The following CNTN6 variants were observed in gnomAD, a reference collection of about 807,000 sequenced individuals.
CNTN6 encodes contactin 6.
Under a neutral mutation model 122.8 loss-of-function variants are expected in CNTN6, and 137 were observed. That is an observed-to-expected ratio of 1.12 (90% CI 0.97 to 1.29). The LOEUF (loss-of-function observed/expected upper bound fraction) is 1.29, where lower values mean the gene tolerates loss of function less well. Ranked by LOEUF, CNTN6 falls within the 50% of genes most tolerant of loss-of-function variation. The pLI is 0.00. For missense variants in CNTN6, 1,634 were observed against 1,223.4 expected (o/e 1.34, Z -5.01); for synonymous variants, 570 against 426.0 (o/e 1.34, Z -4.16).
intron 12 of CNTN6, among the ~76,000 whole-genome samples, chr3:1,371,668 TAG>T (rs1709036006): frequency 1.3e-5 from 2 of 152,142 alleles, no homozygotes; most frequent in African/African-American, 4.8e-5. Context: ...AAGATTGACA[TAG>T]AGAACATTTC....
At chr3:1,396,324 C>T (rs1330887215) in intron 20 of CNTN6, among the ~76,000 whole-genome samples, 1 of 152,146 alleles carries the variant, frequency 6.6e-6, no homozygotes, top group Non-Finnish European at 1.5e-5. Flanking sequence ...TGCTCTATAG[C>T]TTCCCCCAAA....
At chr3:1,151,806 T>G (rs2092848921) in intron 2 of CNTN6, among the ~76,000 whole-genome samples, 1 of 152,098 alleles carries the variant, frequency 6.6e-6, no homozygotes, top group South Asian at 2.1e-4. Flanking sequence ...GAGGTTGAGT[T>G]AGTAACAGAA....
intron 1 of CNTN6, among the ~76,000 whole-genome samples, chr3:1,114,069 A>T (rs923339998): frequency 6.6e-5 from 10 of 152,186 alleles, no homozygotes; most frequent in Non-Finnish European, 1.2e-4. Flanking sequence ...CCAGCTCGGC[A>T]ATCAGGGAAG....
intron 7 of CNTN6, among the ~76,000 whole-genome samples, chr3:1,319,796 C>T (rs963511611): frequency 2.2e-5 from 3 of 138,294 alleles, no homozygotes; most frequent in Non-Finnish European, 3.1e-5. Context: ...ATGCTCATTG[C>T]AGGAAAATAA....
chr3:1,098,074 C>G (rs1033014130), intron 1 of CNTN6, among the ~76,000 whole-genome samples: 7 of 134,964 alleles, frequency 5.2e-5, no homozygotes, highest in African/African-American at 1.8e-4. Context: ...TGGACATGAT[C>G]AAGAAAAAGG....
chr3:1,255,013 G>T (rs114479297), intron 4 of CNTN6, among the ~76,000 whole-genome samples: 2 of 152,214 alleles, frequency 1.3e-5, no homozygotes, highest in African/African-American at 4.8e-5. Context: ...TGTTGGCCCA[G>T]GCTGGGGCAA....
intron 4 of CNTN6, among the ~76,000 whole-genome samples, chr3:1,249,154 G>C (rs2094623246): frequency 6.6e-6 from 1 of 152,084 alleles, no homozygotes; most frequent in African/African-American, 2.4e-5. Context: ...CAATCAAATA[G>C]CATTACCATA....
chr3:1,219,246 G>T (rs2094171938), intron 2 of CNTN6, among the ~76,000 whole-genome samples: 1 of 152,192 alleles, frequency 6.6e-6, no homozygotes, highest in African/African-American at 2.4e-5. Context: ...TTAGTCAAAT[G>T]ATTATTTAAC....
intron 1 of CNTN6, among the ~76,000 whole-genome samples, chr3:1,104,090 C>T (rs535676745): frequency 6.6e-6 from 1 of 152,168 alleles, no homozygotes; most frequent in South Asian, 2.1e-4. Flanking sequence ...ATGAACAAGA[C>T]AGAGAAGAGT....
At chr3:1,246,167 C>T (rs1242114973) in intron 4 of CNTN6, among the ~76,000 whole-genome samples, 2 of 152,092 alleles carry the variant, frequency 1.3e-5, no homozygotes, top group Non-Finnish European at 2.9e-5. Context: ...TCCAACACCC[C>T]CAGAAGGTCC....
In CNTN6 at chr3:1,313,155, C is replaced by CA. The variant is rs199499316; in HGVS notation, c.762-8494dup. On this transcript the variant is annotated intron_variant, in intron 7 of 22. Transcript: ENST00000446702. ...AAATTATCATTTTCTCTCCTAAGAG[C>CA]AGCAGAGGTATTTATCGAGGCTTAG... Among the ~76,000 whole-genome samples the CA allele has an allele frequency of 7.6e-3, 1,162 of 152,142 alleles. 9 individuals carry two copies. Among genetic ancestry groups the CA allele is most frequent in the Middle Eastern group, 0.041 (12 of 294 alleles).
intron 2 of CNTN6, among the ~76,000 whole-genome samples, chr3:1,209,303 C>T (rs1395009292): frequency 1.3e-5 from 2 of 152,132 alleles, no homozygotes; most frequent in Non-Finnish European, 2.9e-5. Context: ...CAGAATGATT[C>T]CATTATGTGA....
chr3:1,311,419 ATATG>A (rs1699267340), intron 7 of CNTN6, among the ~76,000 whole-genome samples: 1 of 62,950 alleles, frequency 1.6e-5, no homozygotes, highest in Non-Finnish European at 2.9e-5. Context: ...AAATGTCTTT[ATATG>A]TACATATATG....
At chr3:1,318,843 G>C (rs1351273) in intron 7 of CNTN6, among the ~76,000 whole-genome samples, 52,166 of 151,396 alleles carry the variant, frequency 0.34, 9,571 homozygotes, top group East Asian at 0.69. Flanking sequence ...AACAGCTTGA[G>C]GACAGTGTCC....
At chr3:1,324,889 T>G (rs1701321288) in intron 8 of CNTN6, among the ~76,000 whole-genome samples, 1 of 149,542 alleles carries the variant, frequency 6.7e-6, no homozygotes, top group Non-Finnish European at 1.5e-5. Context: ...GAGAATCCAC[T>G]GAAAGATTGT....
intron 12 of CNTN6, among the ~76,000 whole-genome samples, chr3:1,370,073 G>T (rs1475425586): frequency 6.6e-6 from 1 of 151,668 alleles, no homozygotes; most frequent in Non-Finnish European, 1.5e-5. Flanking sequence ...ATAATTTAAT[G>T]TGTATCTTTT....
chr3:1,401,331 T>G, intron 20 of CNTN6, 102 bp from the exon 21 acceptor site: 2 of 885,118 alleles, frequency 2.3e-6, no homozygotes, highest in Non-Finnish European at 3.6e-6. Flanking sequence ...GCTCCTTCTA[T>G]GCAAATCATC....
chr3:1,275,251 C>G (rs1246546965), intron 4 of CNTN6, among the ~76,000 whole-genome samples: 1 of 152,146 alleles, frequency 6.6e-6, no homozygotes, highest in African/African-American at 2.4e-5. Flanking sequence ...CTTCCTAAAT[C>G]TCATCTCTTA....
At chr3:1,347,360 C>A (rs533443295) in intron 11 of CNTN6, among the ~76,000 whole-genome samples, 8 of 152,114 alleles carry the variant, frequency 5.3e-5, no homozygotes, top group African/African-American at 1.9e-4. Context: ...GAAAATTTTT[C>A]TATTTAATTG....
Sources: gnomAD v4.1 joint callset for allele counts (sites outside exome capture counted in the v4.1 genomes callset) on GRCh38, gnomAD v4.1.1 for gene constraint, MANE v1.5 for transcripts, NCBI Gene and HGNC (gene_info 2026-07-23, HGNC 2026-07-21) for gene names.